Variants in CCDC54 observed in about 807,000 individuals in gnomAD.
The protein encoded by CCDC54 is coiled-coil domain-containing protein 54.
A neutral mutation model predicts 2.9 loss-of-function variants in CCDC54; 2 were observed. That is an observed-to-expected ratio of 0.69 (90% CI 0.28 to 2.16). CCDC54 has a LOEUF of 2.16. CCDC54 is among the 30% of genes most tolerant of loss of function. CCDC54 has a pLI of 0.13. For synonymous variants in CCDC54, 128 were observed against 129.6 expected (o/e 0.99, Z 0.08); for missense variants, 368 against 378.1 (o/e 0.97, Z 0.22).
In CCDC54 at chr3:107,377,951, A is replaced by G. The variant is rs2107453906; in HGVS notation, c.364A>G (p.Thr122Ala). ...TGTTAATGAAGACAAACAATGCACA[A>G]CGACTAAAGATATCCTCTCTATGAA... ...MNVNEDKQCTTTKDILSMKED... is the reference protein window; with the variant it reads ...MNVNEDKQCTATKDILSMKED... The change falls in exon 1 of 1, where the codon ACG (threonine) becomes GCG (alanine). Residue 122 changes from threonine (T) to alanine (A), a missense_variant. Transcript: ENST00000261058. The G allele has an allele frequency of 6.2e-7, 1 of 1,614,186 alleles. No homozygotes were observed.
At position 107,378,049 on chromosome 3, in the gene CCDC54, T is replaced by C; in HGVS notation, c.462T>C (p.Cys154=). ...AGAATTCCTGCTCCACGATACATTG[T>C]CTAGAGATTCTGGAGGGAGAAAGGG... ...EIQNSCSTIH[C]LEILEGERGK... is the part of the protein sequence containing the mutation. Residue 154 remains cysteine (C), a synonymous_variant, in exon 1 of 1, where the codon TGT becomes TGC. Coordinates refer to ENST00000261058, the MANE Select transcript of CCDC54 (RefSeq NM_032600.3). The C allele has an allele frequency of 6.2e-7, 1 of 1,614,204 alleles. No individual in the cohort carries two copies. The highest frequency in any genetic ancestry group is 8.5e-7 in the Non-Finnish European group (1 of 1,180,032).
the CCDC54 span, chr3:107,377,591 T>TAC: frequency 6.9e-6 from 11 of 1,604,972 alleles, no homozygotes; most frequent in African/African-American, 1.3e-5. Context: ...ATGAAAGATG[T>TAC]ACACACTTCA....
rs369848479 is a variant in CCDC54 at position 107,377,858 on chromosome 3, A to T, written c.271A>T (p.Ile91Leu). 10 of 1,614,194 alleles carry T rather than the reference A, an allele frequency of 6.2e-6. No individual in the cohort carries two copies. The highest frequency in any genetic ancestry group is 8.5e-6 in the Non-Finnish European group (10 of 1,180,024). Residue 91 changes from isoleucine (I) to leucine (L), a missense_variant, in exon 1 of 1, where the codon ATA becomes TTA. By Grantham distance (5) the Ile-to-Leu change is conservative. Coordinates refer to ENST00000261058, the MANE Select transcript of CCDC54 (RefSeq NM_032600.3). ...CCAAATGACTGACATTGTCCATATG[A>T]TACCAAAAGTCCAGGAAAAGACTGA... ...FSQMTDIVHM[I>L]PKVQEKTDLY...
In CCDC54 at chr3:107,377,695, G is replaced by C; in HGVS notation, c.108G>C (p.Lys36Asn). ...TTAAAAATGTTTACCACAAATGTAA[G>C]ATTCGGCACCAAGATTCAACTGGAT... ...QSLKNVYHKC[K>N]IRHQDSTGYP... Residue 36 changes from lysine (K) to asparagine (N), a missense_variant, in exon 1 of 1, where the codon AAG (lysine) becomes AAC (asparagine). Transcript: ENST00000261058. 6.2e-7 allele frequency: 1 copy of C among 1,614,150 alleles called. No homozygotes were observed. The highest frequency in any genetic ancestry group is 1.1e-5 in the South Asian group (1 of 91,084).
rs776640985 is a variant in CCDC54 at position 107,377,864 on chromosome 3, A to G, written c.277A>G (p.Lys93Glu). The stretch of plus-strand genomic sequence containing the variant: ...GACTGACATTGTCCATATGATACCA[A>G]AAGTCCAGGAAAAGACTGACTTGTA... ...QMTDIVHMIP[K>E]VQEKTDLYQK... is the part of the protein sequence containing the mutation. The change falls in exon 1 of 1, where the codon AAA becomes GAA. Residue 93 changes from lysine (K) to glutamate (E), a missense_variant. Transcript: ENST00000261058. 1 of 1,614,200 alleles carries G rather than the reference A, an allele frequency of 6.2e-7. No homozygotes were observed. Among genetic ancestry groups the G allele is most frequent in the Admixed American group, 1.7e-5 (1 of 60,032 alleles).
At chr3:107,377,750 C>T in the CCDC54 span, 2 of 1,614,050 alleles carry the variant, frequency 1.2e-6, no homozygotes, top group African/African-American at 2.7e-5. Context: ...TGATTGTAAT[C>T]AAGATGATGA....
chr3:107,378,614 C>A lies in CCDC54; in HGVS notation c.*40C>A. Reference sequence around the variant, plus strand: ...TTGCTTGGCACAAAATAAATGTAACCTGGAGGCTCCAAGTATTCACACATT... The same window carrying A: ...TTGCTTGGCACAAAATAAATGTAACATGGAGGCTCCAAGTATTCACACATT... On this transcript the variant is annotated 3_prime_UTR_variant, in exon 1 of 1. Coordinates refer to ENST00000261058, the MANE Select transcript of CCDC54 (RefSeq NM_032600.3). 1 of 1,559,886 alleles carries A rather than the reference C, an allele frequency of 6.4e-7. No individual in the cohort carries two copies. Among genetic ancestry groups the A allele is most frequent in the South Asian group, 1.2e-5 (1 of 80,580 alleles).
Sources: allele counts gnomAD v4.1 joint callset, GRCh38; gene constraint gnomAD v4.1.1; transcripts MANE v1.5; gene names NCBI Gene and HGNC (gene_info 2026-07-23, HGNC 2026-07-21).